TBC1D12: variants seen among roughly 807,000 people sequenced by gnomAD.
TBC1D12 encodes TBC1 domain family, member 12.
In TBC1D12, 56 loss-of-function variants were observed where a neutral mutation model predicts 86.7. The ratio of observed to expected loss-of-function variants is 0.65; its 90% CI spans 0.52 to 0.81. The LOEUF (loss-of-function observed/expected upper bound fraction) is 0.81. TBC1D12 is among the 30% of genes least tolerant of loss of function. The probability of loss-of-function intolerance (pLI) is 0.00; values close to 1 mark genes in which losing one functional copy is unlikely to be tolerated. For missense variants in TBC1D12, 1,023 were observed against 1,038.8 expected, an observed-to-expected ratio of 0.98 and a Z score of 0.21; for synonymous variants, 421 against 411.7, an observed-to-expected ratio of 1.02 and a Z score of -0.27.
intron 12 of TBC1D12, among the ~76,000 whole-genome samples, chr10:94,532,490 T>C (rs937900033): frequency 2.6e-5 from 4 of 152,242 alleles, no homozygotes; most frequent in African/African-American, 9.6e-5. Flanking sequence ...CTTTATTTTA[T>C]TTAAGTCCAG....
chr10:94,493,520 C>T, intron 4 of TBC1D12, 73 bp downstream of exon 4: 1 of 1,115,220 alleles, frequency 9.0e-7, no homozygotes, highest in Non-Finnish European at 1.3e-6. Flanking sequence ...TTCATCAAGT[C>T]TGTCTTCAAG....
intron 6 of TBC1D12, among the ~76,000 whole-genome samples, chr10:94,505,704 A>G (rs2056451106): frequency 6.6e-6 from 1 of 152,074 alleles, no homozygotes; most frequent in Admixed American, 6.6e-5. Flanking sequence ...TTTGAAATAT[A>G]TCTACTCAGA....
intron 2 of TBC1D12, among the ~76,000 whole-genome samples, chr10:94,468,020 A>G (rs1430464225): frequency 6.6e-6 from 1 of 152,222 alleles, no homozygotes; most frequent in Non-Finnish European, 1.5e-5. Flanking sequence ...TAGGTCTTCT[A>G]ATTACACATC....
chr10:94,457,745 AT>A (rs2055649524), intron 2 of TBC1D12, among the ~76,000 whole-genome samples: 2 of 152,110 alleles, frequency 1.3e-5, no homozygotes. Flanking sequence ...TTAATTGAAC[AT>A]CTTATATGAT....
At chr10:94,518,739 T>C (rs183006912) in intron 9 of TBC1D12, among the ~76,000 whole-genome samples, 233 of 152,320 alleles carry the variant, frequency 1.5e-3, no homozygotes, top group Non-Finnish European at 1.4e-3. Flanking sequence ...AAGAGTGATA[T>C]ATAATAAATC....
intron 3 of TBC1D12, among the ~76,000 whole-genome samples, chr10:94,485,294 A>T (rs1322447480): frequency 1.3e-5 from 2 of 152,058 alleles, no homozygotes; most frequent in African/African-American, 4.8e-5. Flanking sequence ...GGCTTTTATT[A>T]TGAAGGGATG....
chr10:94,402,772 C>CGAG lies in TBC1D12; in HGVS notation c.170_172dup (p.Glu57dup), dbSNP rs753535296. ...CTGTGGAGCCGCCGGAGGAGGCTGA[C>CGAG]GAGGAGGAGGAGGCTGACGAGGAGG... On this transcript the variant is annotated inframe_insertion, in exon 1 of 13. Coordinates refer to ENST00000225235, the MANE Select transcript of TBC1D12 (RefSeq NM_015188.2). The CGAG allele has an allele frequency of 1.2e-5, 19 of 1,529,182 alleles. No homozygotes were observed. The highest frequency in any genetic ancestry group is 3.6e-5 in the South Asian group (3 of 84,064). 94.7% of individuals were successfully genotyped at this position (1,529,182 alleles called of 1,614,324 possible). A position where few individuals can be genotyped will look rare whatever the true frequency, so the allele number is the denominator to read the frequency against.
chr10:94,498,442 G>C (rs989738753), intron 5 of TBC1D12, among the ~76,000 whole-genome samples: 1 of 151,732 alleles, frequency 6.6e-6, no homozygotes, highest in Non-Finnish European at 1.5e-5. Context: ...AGGGTGATTT[G>C]TTTTTTTGTT....
intron 1 of TBC1D12, among the ~76,000 whole-genome samples, chr10:94,407,670 C>T (rs1483025245): frequency 1.2e-4 from 15 of 121,226 alleles, no homozygotes; most frequent in Non-Finnish European, 2.0e-4. Flanking sequence ...TGACAGATTC[C>T]GTCTCAAAAA....
intron 3 of TBC1D12, among the ~76,000 whole-genome samples, chr10:94,478,972 A>G (rs778324877): frequency 3.3e-5 from 5 of 152,208 alleles, no homozygotes; most frequent in Non-Finnish European, 5.9e-5. Flanking sequence ...AAAAGTGGAA[A>G]TGTGATTTCA....
chr10:94,402,779 G>A lies in TBC1D12; in HGVS notation c.166G>A (p.Glu56Lys). 1 of 1,547,208 alleles carries A rather than the reference G, an allele frequency of 6.5e-7. No individual in the cohort carries two copies. Among genetic ancestry groups the A allele is most frequent in the African/African-American group, 1.4e-5 (1 of 72,920 alleles). Reference sequence around the variant, plus strand: ...GCCGCCGGAGGAGGCTGACGAGGAGGAGGAGGCTGACGAGGAGGAGGAGAC... The same window carrying A: ...GCCGCCGGAGGAGGCTGACGAGGAGAAGGAGGCTGACGAGGAGGAGGAGAC... ...VEPPEEADEE[E>K]EADEEEETPP... Residue 56 changes from glutamate (E) to lysine (K), a missense_variant, in exon 1 of 13, where the codon GAG becomes AAG. Glu to Lys is a moderately conservative substitution (Grantham distance 56, BLOSUM62 1). Transcript: ENST00000225235.
At chr10:94,470,265 C>T (rs1385508592) in intron 2 of TBC1D12, among the ~76,000 whole-genome samples, 1 of 152,022 alleles carries the variant, frequency 6.6e-6, no homozygotes, top group East Asian at 1.9e-4. Flanking sequence ...TTTGCCTAAA[C>T]CTGTTTGAGT....
intron 2 of TBC1D12, among the ~76,000 whole-genome samples, chr10:94,454,491 G>A (rs1216550709): frequency 6.6e-5 from 10 of 152,210 alleles, no homozygotes; most frequent in African/African-American, 1.4e-4. Context: ...GATTACAGGC[G>A]TGAGCCACTG....
intron 4 of TBC1D12, among the ~76,000 whole-genome samples, chr10:94,494,154 C>T (rs2056284150): frequency 1.3e-5 from 2 of 151,872 alleles, no homozygotes; most frequent in South Asian, 2.1e-4. Context: ...TATAAATTTA[C>T]GTATTCATTC....
At chr10:94,522,490 G>C in intron 11 of TBC1D12, 37 bp downstream of exon 11, 1 of 883,358 alleles carries the variant, frequency 1.1e-6, no homozygotes, top group Non-Finnish European at 1.7e-6. Context: ...ATAATGAAAA[G>C]GAAATAAAGT....
At chr10:94,514,171 T>G (rs2056560401) in intron 9 of TBC1D12, among the ~76,000 whole-genome samples, 1 of 151,954 alleles carries the variant, frequency 6.6e-6, no homozygotes, top group Non-Finnish European at 1.5e-5. Flanking sequence ...GCCCAGGAGT[T>G]TTAAGACCAG....
intron 11 of TBC1D12, among the ~76,000 whole-genome samples, chr10:94,525,273 T>C (rs1341194619): frequency 1.3e-5 from 2 of 152,146 alleles, no homozygotes; most frequent in Admixed American, 1.3e-4. Flanking sequence ...GAAGGTCGAA[T>C]CATTGCTGTT....
chr10:94,445,151 G>A (rs1468954625), intron 2 of TBC1D12, among the ~76,000 whole-genome samples: 1 of 150,330 alleles, frequency 6.7e-6, no homozygotes, highest in South Asian at 2.1e-4. Flanking sequence ...ACGAGGTCAG[G>A]AGATTGAGAC....
intron 6 of TBC1D12, among the ~76,000 whole-genome samples, chr10:94,505,355 G>A (rs547421612): frequency 1.3e-5 from 2 of 152,248 alleles, no homozygotes; most frequent in South Asian, 4.1e-4. Context: ...GAGGCAGGTG[G>A]ATCACATGAG....
Sources: allele counts gnomAD v4.1 joint callset (sites outside exome capture counted in the v4.1 genomes callset), GRCh38; gene constraint gnomAD v4.1.1; transcripts MANE v1.5; gene names NCBI Gene and HGNC (gene_info 2026-07-23, HGNC 2026-07-21).